Variants in AK5 observed in about 807,000 individuals in gnomAD.
AK5 encodes adenylate kinase isoenzyme 5.
Under a neutral mutation model 69.5 loss-of-function variants are expected in AK5, and 27 were observed. That is an observed-to-expected ratio of 0.39 (90% CI 0.29 to 0.54). The LOEUF is 0.54. Among genes scored for constraint, AK5 ranks in the 20% least tolerant of loss-of-function variants. The pLI, the probability that AK5 is intolerant of heterozygous loss-of-function variation, is 0.71. For synonymous variants in AK5, 260 were observed against 244.4 expected (o/e 1.06, Z -0.60); for missense variants, 531 against 700.4 (o/e 0.76, Z 2.73).
intron 6 of AK5, among the ~76,000 whole-genome samples, chr1:77,399,394 G>T (rs932898834): frequency 1.3e-5 from 2 of 152,084 alleles, no homozygotes; most frequent in African/African-American, 2.4e-5. Context: ...GCCTGAAACC[G>T]AGCCTCTCCC....
At chr1:77,534,346 C>A (rs1356509887) in intron 12 of AK5, among the ~76,000 whole-genome samples, 2 of 152,174 alleles carry the variant, frequency 1.3e-5, no homozygotes, top group Non-Finnish European at 2.9e-5. Context: ...GATGGGGAGA[C>A]TCATAACACA....
intron 6 of AK5, among the ~76,000 whole-genome samples, chr1:77,390,883 C>G (rs1406886733): frequency 1.3e-5 from 2 of 152,168 alleles, no homozygotes; most frequent in African/African-American, 2.4e-5. Flanking sequence ...TGTGTACAAT[C>G]ACTTTGGAAG....
At chr1:77,480,411 T>G (rs77527652) in intron 8 of AK5, among the ~76,000 whole-genome samples, 1,549 of 152,256 alleles carry the variant, frequency 0.01, 34 homozygotes, top group East Asian at 0.078. Context: ...CTGTGAATAA[T>G]AGCTGTGGAT....
intron 5 of AK5, among the ~76,000 whole-genome samples, chr1:77,300,637 T>G (rs534270571): frequency 2.0e-5 from 3 of 152,168 alleles, no homozygotes; most frequent in Non-Finnish European, 4.4e-5. Flanking sequence ...CAACACCAAC[T>G]GGGTGCCTAA....
At chr1:77,456,619 G>A (rs1653502038) in intron 8 of AK5, among the ~76,000 whole-genome samples, 2 of 152,188 alleles carry the variant, frequency 1.3e-5, no homozygotes, top group South Asian at 4.1e-4. Context: ...CAAGTATGGA[G>A]ACCAGCTGTC....
intron 8 of AK5, among the ~76,000 whole-genome samples, chr1:77,432,743 C>T (rs1035841835): frequency 2.0e-5 from 3 of 152,028 alleles, no homozygotes; most frequent in Non-Finnish European, 2.9e-5. Flanking sequence ...TTAGTGGAAG[C>T]GTAGACTTTT....
At chr1:77,395,907 C>T (rs72679594) in intron 6 of AK5, among the ~76,000 whole-genome samples, 14,909 of 152,184 alleles carry the variant, frequency 0.098, 888 homozygotes, top group East Asian at 0.2. Flanking sequence ...TCCCCTCTAT[C>T]AGCCCAACTC....
intron 6 of AK5, among the ~76,000 whole-genome samples, chr1:77,361,675 G>C (rs989166836): frequency 6.6e-6 from 1 of 152,124 alleles, no homozygotes; most frequent in African/African-American, 2.4e-5. Context: ...GGCTGGGGAG[G>C]CCTCACGATA....
intron 9 of AK5, among the ~76,000 whole-genome samples, chr1:77,485,282 C>A (rs1441764878): frequency 1.3e-5 from 2 of 152,126 alleles, no homozygotes; most frequent in Non-Finnish European, 2.9e-5. Context: ...CCTCTGTTTC[C>A]AGCTCTTTCT....
At chr1:77,423,777 C>A (rs766306972) in intron 8 of AK5, among the ~76,000 whole-genome samples, 3 of 152,058 alleles carry the variant, frequency 2.0e-5, no homozygotes, top group Admixed American at 1.3e-4. Flanking sequence ...TTGCCAGGTC[C>A]TCACAGTGAA....
chr1:77,414,697 A>C (rs1650275617), intron 7 of AK5, among the ~76,000 whole-genome samples: 1 of 152,212 alleles, frequency 6.6e-6, no homozygotes, highest in African/African-American at 2.4e-5. Context: ...AAATTGAAAA[A>C]TTCAAAACGG....
chr1:77,554,771 A>AATT (rs1250944097), intron 13 of AK5, among the ~76,000 whole-genome samples: 17 of 119,676 alleles, frequency 1.4e-4, no homozygotes, highest in Non-Finnish European at 2.7e-4. Context: ...ATGCCCGGCT[A>AATT]TTTTTTTTTT....
At chr1:77,533,743 G>A (rs1658801329) in intron 12 of AK5, among the ~76,000 whole-genome samples, 1 of 152,004 alleles carries the variant, frequency 6.6e-6, no homozygotes, top group Non-Finnish European at 1.5e-5. Flanking sequence ...TTGTACCTGT[G>A]TCCCTGAATT....
Position 77,297,607 on chromosome 1 carries a change from G to T in AK5, c.464G>T (p.Arg155Leu), listed in dbSNP as rs141828356. ...KGTQSLKIAE[R>L]YGFQYISVGE... ...ACTCAGAGTTTGAAAATTGCAGAAC[G>T]ATATGGATTCCAATACATTTCTGTG... is the stretch of plus-strand genomic sequence containing the variant. The change falls in exon 4 of 14, where the codon CGA becomes CTA. Residue 155 changes from arginine to leucine, a missense_variant. Arg to Leu is a moderately radical substitution (Grantham distance 102). Coordinates refer to ENST00000354567, the MANE Select transcript of AK5 (RefSeq NM_174858.3). 2 of 1,613,280 alleles carry T rather than the reference G, an allele frequency of 1.2e-6. No homozygotes were observed. The highest frequency in any genetic ancestry group is 2.2e-5 in the East Asian group (1 of 44,868).
intron 5 of AK5, chr1:77,314,135 A>G (rs1018031387): frequency 3.1e-6 from 1 of 323,766 alleles, no homozygotes; most frequent in Non-Finnish European, 6.0e-6. Flanking sequence ...CAATCTTATG[A>G]TATGAATTGA....
At chr1:77,492,713 C>A (rs1656070602) in intron 10 of AK5, among the ~76,000 whole-genome samples, 1 of 152,210 alleles carries the variant, frequency 6.6e-6, no homozygotes, top group Admixed American at 6.5e-5. Flanking sequence ...CTGAGTGTTT[C>A]TCTGTGCCCA....
intron 6 of AK5, among the ~76,000 whole-genome samples, chr1:77,407,215 T>A (rs182952527): frequency 3.7e-4 from 57 of 152,328 alleles, no homozygotes; most frequent in South Asian, 6.2e-4. Flanking sequence ...GGAAAATTTT[T>A]TTAAAAGGCT....
chr1:77,407,129 G>C lies in AK5; in HGVS notation c.892-3852G>C, dbSNP rs369086465. Among the ~76,000 whole-genome samples, 8 of 150,620 alleles carry C rather than the reference G, an allele frequency of 5.3e-5. No individual in the cohort carries two copies. The East Asian group carries it at 1.4e-3, about 26-fold the overall frequency. Reference sequence around the variant, plus strand: ...AAACTGACTCAGAACTGACACAAATGTTACAATTAACAGAGAAAGACATTA... The same window carrying C: ...AAACTGACTCAGAACTGACACAAATCTTACAATTAACAGAGAAAGACATTA... On this transcript the variant is annotated intron_variant, in intron 6 of 13. Coordinates refer to ENST00000354567, the MANE Select transcript of AK5 (RefSeq NM_174858.3).
chr1:77,559,248 C>CAGA lies in AK5; in HGVS notation c.*580_*582dup, dbSNP rs1300539907. On this transcript the variant is annotated 3_prime_UTR_variant, in exon 14 of 14. Coordinates refer to ENST00000354567, the MANE Select transcript of AK5 (RefSeq NM_174858.3). The stretch of plus-strand genomic sequence containing the variant: ...GAGGCATCAAGCAAGTAAAATTTGA[C>CAGA]AGAAATTTTAAAATATGAAGATGTA... 2 of 152,150 alleles carry CAGA rather than the reference C, an allele frequency of 1.3e-5. No homozygotes were observed. Among genetic ancestry groups the CAGA allele is most frequent in the African/African-American group, 4.8e-5 (2 of 41,424 alleles). 9.4% of individuals were successfully genotyped at this position (152,150 alleles called of 1,614,324 possible).
Sources: gnomAD v4.1 joint callset for allele counts (sites outside exome capture counted in the v4.1 genomes callset) on GRCh38, gnomAD v4.1.1 for gene constraint, MANE v1.5 for transcripts, NCBI Gene and HGNC (gene_info 2026-07-23, HGNC 2026-07-21) for gene names.